Variants in TRPC4AP observed in about 807,000 individuals in gnomAD.
The protein encoded by TRPC4AP is transient receptor potential cation channel subfamily C member 4 associated protein.
TRPC4AP carries 45 observed loss-of-function variants against 99.0 expected under a neutral mutation model. The ratio of observed to expected loss-of-function variants is 0.45; its 90% CI spans 0.36 to 0.58. The LOEUF (loss-of-function observed/expected upper bound fraction) is 0.58. Ranked by LOEUF, TRPC4AP falls within the 20% of genes least tolerant of loss-of-function variation. The probability of loss-of-function intolerance (pLI) is 0.00; values close to 1 mark genes in which losing one functional copy is unlikely to be tolerated. For missense variants in TRPC4AP, 879 were observed against 985.3 expected, an observed-to-expected ratio of 0.89 and a Z score of 1.44; for synonymous variants, 408 against 385.8, an observed-to-expected ratio of 1.06 and a Z score of -0.67.
At chr20:35,071,232 T>C (rs949271208) in intron 2 of TRPC4AP, among the ~76,000 whole-genome samples, 3 of 152,188 alleles carry the variant, frequency 2.0e-5, no homozygotes, top group African/African-American at 4.8e-5. Flanking sequence ...TGTCATTCAG[T>C]TTCATTACGT....
At chr20:35,073,354 C>A (rs2084376560) in intron 2 of TRPC4AP, among the ~76,000 whole-genome samples, 1 of 152,124 alleles carries the variant, frequency 6.6e-6, no homozygotes, top group Non-Finnish European at 1.5e-5. Context: ...CTGTCTTGTG[C>A]CAGTTTTCAA....
chr20:35,052,521 AC>A (rs1173971931), intron 5 of TRPC4AP, among the ~76,000 whole-genome samples: 6 of 151,786 alleles, frequency 4.0e-5, no homozygotes, highest in Non-Finnish European at 8.8e-5. Flanking sequence ...TTTTTGAGAG[AC>A]CCTCACTCTG....
intron 3 of TRPC4AP, among the ~76,000 whole-genome samples, chr20:35,067,601 A>C (rs2084177203): frequency 6.6e-6 from 1 of 152,202 alleles, no homozygotes; most frequent in Non-Finnish European, 1.5e-5. Flanking sequence ...TAATAGCAAA[A>C]AGACGGAGGC....
rs537665720 is a variant in TRPC4AP, at chr20:35,022,594, T to C, written c.1052-1238A>G. Among the ~76,000 whole-genome samples, 27 of 152,320 alleles carry C rather than the reference T, an allele frequency of 1.8e-4. No homozygotes were observed. In the South Asian group the frequency reaches 5.6e-3, roughly 32 times the overall value. On this transcript the variant is annotated intron_variant, in intron 8 of 18. Transcript: ENST00000252015. ...AACTGCCAAGGTCCTCTCAAGTTCC[T>C]ACAGGAACTGCTTCCCTAGAGGCCT...
At chr20:35,052,065 T>C (rs2147381631) in intron 5 of TRPC4AP, among the ~76,000 whole-genome samples, 1 of 152,084 alleles carries the variant, frequency 6.6e-6, no homozygotes, top group African/African-American at 2.4e-5. Flanking sequence ...GGAGAGTTTT[T>C]TCCATGTAAC....
At chr20:35,068,960 C>CACA (rs374906924) in intron 3 of TRPC4AP, among the ~76,000 whole-genome samples, 41,174 of 107,902 alleles carry the variant, frequency 0.38, 6,570 homozygotes, top group East Asian at 0.59. Flanking sequence ...CACACACACA[C>CACA]ACACACACAC....
At position 35,004,584 on chromosome 20, in the gene TRPC4AP, C is replaced by T. The variant is rs1569075586; in HGVS notation, c.1937-14G>A. 8 of 1,610,340 alleles carry T rather than the reference C, an allele frequency of 5.0e-6. No homozygotes were observed. The South Asian group carries it at 8.8e-5, about 18-fold the overall frequency. ...GTACCTCGGCAACTGTGGAGGGAGG[C>T]AGGGGTGCAGCAGGTCAGGCTTAGG... On this transcript the variant is annotated splice_polypyrimidine_tract_variant and intron_variant, in intron 16 of 18. Transcript: ENST00000252015.
chr20:35,006,999 T>C (rs1418128770), intron 14 of TRPC4AP, among the ~76,000 whole-genome samples: 1 of 152,258 alleles, frequency 6.6e-6, no homozygotes, highest in Admixed American at 6.5e-5. Context: ...TTTGTCTTTG[T>C]GTTTATGAAC....
chr20:35,060,777 G>GA (rs202059204), intron 3 of TRPC4AP, among the ~76,000 whole-genome samples: 71 of 148,816 alleles, frequency 4.8e-4, no homozygotes, highest in East Asian at 2.0e-3. Context: ...AAAGCGTTTG[G>GA]AAAAAAAAAC....
At chr20:35,012,921 G>A (rs2082670740) in intron 11 of TRPC4AP, 87 bp downstream of exon 11, 16 of 1,420,288 alleles carry the variant, frequency 1.1e-5, no homozygotes, top group African/African-American at 2.8e-5. Context: ...GCCTCCTCTC[G>A]AGCTGAGGTC....
intron 2 of TRPC4AP, among the ~76,000 whole-genome samples, chr20:35,076,838 T>C (rs982700035): frequency 6.6e-6 from 1 of 152,198 alleles, no homozygotes; most frequent in Non-Finnish European, 1.5e-5. Context: ...CTGCCTTTTG[T>C]TCAGCTATGC....
chr20:35,023,024 CAAA>C (rs11475714), intron 8 of TRPC4AP, among the ~76,000 whole-genome samples: 54 of 135,112 alleles, frequency 4.0e-4, no homozygotes, highest in African/African-American at 1.1e-3. Flanking sequence ...TGGACTGTCT[CAAA>C]AAAAAAAAAA....
At chr20:35,013,110 G>A in intron 10 of TRPC4AP, 44 bp from the exon 11 acceptor site, 1 of 1,603,666 alleles carries the variant, frequency 6.2e-7, no homozygotes, top group Non-Finnish European at 8.5e-7. Context: ...ACAGCCACAA[G>A]GTTCCAAAAT....
chr20:35,034,780 G>C (rs1329652274), intron 8 of TRPC4AP, among the ~76,000 whole-genome samples: 1 of 152,140 alleles, frequency 6.6e-6, no homozygotes, highest in African/African-American at 2.4e-5. Flanking sequence ...TACAGTGAGA[G>C]AGAAGACTAA....
chr20:35,022,220 ACCTTGGC>A (rs1218399631), intron 8 of TRPC4AP, among the ~76,000 whole-genome samples: 7 of 152,152 alleles, frequency 4.6e-5, no homozygotes, highest in African/African-American at 1.7e-4. Context: ...CAGTGGCATG[ACCTTGGC>A]TCACTGCAAC....
chr20:35,012,503 C>T (rs1261398450), intron 11 of TRPC4AP, among the ~76,000 whole-genome samples: 3 of 152,172 alleles, frequency 2.0e-5, no homozygotes, highest in Non-Finnish European at 4.4e-5. Context: ...GCACTGTTTT[C>T]CTTACAGCAG....
intron 3 of TRPC4AP, among the ~76,000 whole-genome samples, chr20:35,066,088 C>T (rs1473187395): frequency 5.9e-5 from 9 of 152,068 alleles, no homozygotes; most frequent in Non-Finnish European, 7.4e-5. Flanking sequence ...TGAAGTATAA[C>T]GTGATACCGC....
At chr20:35,003,939 G>A (rs764576588) in intron 17 of TRPC4AP, among the ~76,000 whole-genome samples, 14 of 152,188 alleles carry the variant, frequency 9.2e-5, no homozygotes, top group African/African-American at 2.4e-4. Context: ...GTGTTGGGGC[G>A]GTTATCCCGC....
At chr20:35,072,870 G>A (rs566728792) in intron 2 of TRPC4AP, among the ~76,000 whole-genome samples, 14 of 152,128 alleles carry the variant, frequency 9.2e-5, no homozygotes, top group South Asian at 2.1e-4. Context: ...CAATTACCTC[G>A]GGCAATATGG....
Sources: gnomAD v4.1 joint callset for allele counts (sites outside exome capture counted in the v4.1 genomes callset) on GRCh38, gnomAD v4.1.1 for gene constraint, MANE v1.5 for transcripts, NCBI Gene and HGNC (gene_info 2026-07-23, HGNC 2026-07-21) for gene names.